CDH20: variants seen among roughly 807,000 people sequenced by gnomAD.
CDH20 encodes cadherin-20.
Under a neutral mutation model 74.2 loss-of-function variants are expected in CDH20, and 29 were observed. The observed-to-expected ratio is 0.39, with a 90% confidence interval of 0.29 to 0.53. CDH20 has a LOEUF of 0.53. CDH20 is among the 20% of genes least tolerant of loss of function. The pLI, the probability that CDH20 is intolerant of heterozygous loss-of-function variation, is 0.69. For synonymous variants in CDH20, 469 were observed against 405.4 expected (o/e 1.16, Z -1.88); for missense variants, 988 against 1,048.3 (o/e 0.94, Z 0.79).
chr18:61,455,053 A>T (rs910803088), intron 1 of CDH20, among the ~76,000 whole-genome samples: 2 of 152,188 alleles, frequency 1.3e-5, no homozygotes, highest in Admixed American at 1.3e-4. Flanking sequence ...CGATACAATG[A>T]TTTCTGAAGT....
intron 6 of CDH20, among the ~76,000 whole-genome samples, chr18:61,508,649 A>G (rs528947): frequency 0.99 from 151,297 of 152,260 alleles, 75,178 homozygotes; most frequent in Middle Eastern, 1. Context: ...ATTATTTTTC[A>G]TGTTCGAGAC....
chr18:61,379,493 T>C (rs1417707367), intron 1 of CDH20, among the ~76,000 whole-genome samples: 1 of 152,172 alleles, frequency 6.6e-6, no homozygotes, highest in Admixed American at 6.5e-5. Context: ...CTTTCTAGGC[T>C]CCACAATATA....
chr18:61,412,602 C>T (rs941613847), intron 1 of CDH20, among the ~76,000 whole-genome samples: 6 of 151,724 alleles, frequency 4.0e-5, no homozygotes, highest in Non-Finnish European at 1.5e-5. Context: ...ATGGGTGGAG[C>T]AAAAGACACA....
chr18:61,391,854 G>A (rs1911795367), intron 1 of CDH20, among the ~76,000 whole-genome samples: 1 of 151,910 alleles, frequency 6.6e-6, no homozygotes. Context: ...ATGTCAAGTG[G>A]AAAAAGCAGA....
At chr18:61,394,459 C>T (rs1303368397) in intron 1 of CDH20, among the ~76,000 whole-genome samples, 1 of 151,980 alleles carries the variant, frequency 6.6e-6, no homozygotes, top group Non-Finnish European at 1.5e-5. Flanking sequence ...GAATGTCATG[C>T]GAGGATGAAG....
At chr18:61,354,067 G>T (rs1049395570) in intron 1 of CDH20, among the ~76,000 whole-genome samples, 1 of 150,850 alleles carries the variant, frequency 6.6e-6, no homozygotes, top group Non-Finnish European at 1.5e-5. Flanking sequence ...AAAAGAAAAA[G>T]AAAAGAAAAA....
chr18:61,365,319 C>T (rs976865135), intron 1 of CDH20, among the ~76,000 whole-genome samples: 6 of 152,302 alleles, frequency 3.9e-5, no homozygotes, highest in Non-Finnish European at 5.9e-5. Flanking sequence ...CATCTTCTGT[C>T]GGGTCCCACT....
chr18:61,518,034 C>G (rs1912066866), intron 6 of CDH20, among the ~76,000 whole-genome samples: 1 of 152,198 alleles, frequency 6.6e-6, no homozygotes, highest in South Asian at 2.1e-4. Flanking sequence ...CCCACCGCAG[C>G]TCTGCAAAGC....
At chr18:61,373,435 A>C (rs779852395) in intron 1 of CDH20, among the ~76,000 whole-genome samples, 2 of 152,062 alleles carry the variant, frequency 1.3e-5, no homozygotes, top group Non-Finnish European at 2.9e-5. Context: ...ACTGCCAGAA[A>C]TGCATCTTCA....
intron 1 of CDH20, among the ~76,000 whole-genome samples, chr18:61,451,335 C>A (rs866381589): frequency 4.6e-4 from 70 of 151,554 alleles, no homozygotes; most frequent in African/African-American, 1.6e-3. Flanking sequence ...TATAAAAAAA[C>A]AAAGGTAATA....
chr18:61,459,798 GC>G (rs35834474), intron 1 of CDH20, among the ~76,000 whole-genome samples: 39,634 of 151,968 alleles, frequency 0.26, 5,419 homozygotes, highest in Middle Eastern at 0.41. Context: ...GTTCCCCTCT[GC>G]CTAACCTCAG....
rs1913600936 is a variant in CDH20, at chr18:61,555,549, C to T, written c.*854C>T. ...AGCCAAATAAAAAAGAAGTATCTGA[C>T]AAAAGCATGGGTTAGAGGGCTTTCC... On this transcript the variant is annotated 3_prime_UTR_variant, in exon 12 of 12. Coordinates refer to ENST00000262717, the MANE Select transcript of CDH20 (RefSeq NM_031891.4). 2 of 985,346 alleles carry T rather than the reference C, an allele frequency of 2.0e-6. No individual in the cohort carries two copies. The highest frequency in any genetic ancestry group is 2.4e-6 in the Non-Finnish European group (2 of 829,894). 61.0% of individuals were successfully genotyped at this position (985,346 alleles called of 1,614,324 possible). A position where few individuals can be genotyped will look rare whatever the true frequency, so the allele number is the denominator to read the frequency against.
chr18:61,356,770 A>T (rs1910509680), intron 1 of CDH20, among the ~76,000 whole-genome samples: 1 of 152,192 alleles, frequency 6.6e-6, no homozygotes, highest in South Asian at 2.1e-4. Flanking sequence ...GAGGGGAAAA[A>T]ATAAGGTAGA....
intron 1 of CDH20, among the ~76,000 whole-genome samples, chr18:61,360,794 C>T (rs1910662647): frequency 6.6e-6 from 1 of 152,210 alleles, no homozygotes; most frequent in East Asian, 1.9e-4. Context: ...ACCACTTGCC[C>T]CAAGGCTGGC....
chr18:61,435,878 T>C (rs879831010), intron 1 of CDH20, among the ~76,000 whole-genome samples: 4 of 152,034 alleles, frequency 2.6e-5, no homozygotes, highest in Non-Finnish European at 5.9e-5. Context: ...TTTCGGACAT[T>C]TTCAATACCC....
rs1159202716 is a variant in CDH20 at position 61,514,854 on chromosome 18, C to G, written c.1017+7294C>G. The stretch of plus-strand genomic sequence containing the variant: ...GACCCACTTGAGGAGGCAGTCTGCC[C>G]ATTCTCAGATCTCCAGCTGCGTGCT... On this transcript the variant is annotated intron_variant, in intron 6 of 11. Coordinates refer to ENST00000262717, the MANE Select transcript of CDH20 (RefSeq NM_031891.4). 4.9e-4 allele frequency among the ~76,000 whole-genome samples: 74 copies of G among 151,978 alleles called. 1 individual carries two copies. Among genetic ancestry groups the G allele is most frequent in the South Asian group, 3.9e-3 (19 of 4,816 alleles).
chr18:61,457,472 C>T (rs566302947), intron 1 of CDH20, among the ~76,000 whole-genome samples: 1 of 152,018 alleles, frequency 6.6e-6, no homozygotes, highest in Non-Finnish European at 1.5e-5. Flanking sequence ...AAATTACTTG[C>T]CCAGAATATC....
chr18:61,338,578 A>G (rs558202622), intron 1 of CDH20, among the ~76,000 whole-genome samples: 32 of 152,308 alleles, frequency 2.1e-4, no homozygotes, highest in Admixed American at 2.0e-3. Context: ...CAAATATGTC[A>G]TTGAATAACC....
chr18:61,483,909 T>C (rs926016830), intron 1 of CDH20, among the ~76,000 whole-genome samples: 1 of 152,236 alleles, frequency 6.6e-6, no homozygotes, highest in Non-Finnish European at 1.5e-5. Flanking sequence ...CACTGAAGTT[T>C]GGCTGGCTTT....
Sources: gnomAD v4.1 joint callset for allele counts (sites outside exome capture counted in the v4.1 genomes callset) on GRCh38, gnomAD v4.1.1 for gene constraint, MANE v1.5 for transcripts, NCBI Gene and HGNC (gene_info 2026-07-23, HGNC 2026-07-21) for gene names.